TOGARAM2: variants seen among roughly 807,000 people sequenced by gnomAD.
The protein encoded by TOGARAM2 is TOG array regulator of axonemal microtubules protein 2.
Under a neutral mutation model 93.3 loss-of-function variants are expected in TOGARAM2, and 85 were observed. The ratio of observed to expected loss-of-function variants is 0.91; its 90% CI spans 0.76 to 1.09. The LOEUF (loss-of-function observed/expected upper bound fraction) is 1.09, where lower values mean the gene tolerates loss of function less well. Ranked by LOEUF, TOGARAM2 falls within the 50% of genes least tolerant of loss-of-function variation. TOGARAM2 has a pLI of 0.00. For missense variants in TOGARAM2, 1,277 were observed against 1,334.5 expected (o/e 0.96, Z 0.67); for synonymous variants, 593 against 552.8 (o/e 1.07, Z -1.02).
chr2:28,960,311 A>C (rs1204211140), intron 1 of TOGARAM2, among the ~76,000 whole-genome samples: 1 of 152,156 alleles, frequency 6.6e-6, no homozygotes, highest in East Asian at 1.9e-4. Context: ...TACCATTCTT[A>C]TATCTCTGAA....
At chr2:29,025,297 T>A (rs755515519) in intron 13 of TOGARAM2, among the ~76,000 whole-genome samples, 46 of 152,220 alleles carry the variant, frequency 3.0e-4, no homozygotes, top group Non-Finnish European at 5.4e-4. Flanking sequence ...GTAATTGAAT[T>A]GACTCACGAA....
intron 6 of TOGARAM2, among the ~76,000 whole-genome samples, chr2:29,010,459 T>A (rs1170789224): frequency 1.3e-5 from 2 of 152,050 alleles, no homozygotes; most frequent in Admixed American, 1.3e-4. Flanking sequence ...GCTCCGCTCC[T>A]CCTGTGGACT....
upstream of TOGARAM2, among the ~76,000 whole-genome samples, chr2:28,978,381 CTATT>C (rs1192500517): frequency 1.3e-5 from 2 of 152,116 alleles, no homozygotes; most frequent in Non-Finnish European, 2.9e-5. Context: ...GTTCAGGAGA[CTATT>C]TGGATATAGG....
chr2:29,020,992 C>T (rs1165189479), intron 10 of TOGARAM2, among the ~76,000 whole-genome samples: 1 of 152,186 alleles, frequency 6.6e-6, no homozygotes, highest in Non-Finnish European at 1.5e-5. Flanking sequence ...CGGCTCACTG[C>T]AACCTACGCT....
chr2:28,994,667 G>A, intron 1 of TOGARAM2, 58 bp from the exon 2 acceptor site: 1 of 593,534 alleles, frequency 1.7e-6, no homozygotes, highest in Admixed American at 3.0e-5. Context: ...TTTTTGTGAA[G>A]TAGTTTAAAA....
chr2:28,993,546 C>A (rs1298145643), intron 1 of TOGARAM2, among the ~76,000 whole-genome samples: 1 of 152,232 alleles, frequency 6.6e-6, no homozygotes, highest in Non-Finnish European at 1.5e-5. Flanking sequence ...GACTGCTTTT[C>A]ACCACCGTGT....
intron 6 of TOGARAM2, among the ~76,000 whole-genome samples, chr2:29,010,962 G>A (rs72788126): frequency 0.075 from 11,443 of 152,158 alleles, 506 homozygotes; most frequent in African/African-American, 0.12. Flanking sequence ...AAGGGGATCA[G>A]CTCCGCCCCC....
intron 1 of TOGARAM2, among the ~76,000 whole-genome samples, chr2:28,963,674 A>G (rs1671827111): frequency 6.6e-6 from 1 of 152,176 alleles, no homozygotes; most frequent in Non-Finnish European, 1.5e-5. Flanking sequence ...CAAGGCATGC[A>G]GTGCACCTAG....
chr2:29,028,192 C>T (rs554236421), intron 14 of TOGARAM2, among the ~76,000 whole-genome samples: 7 of 148,750 alleles, frequency 4.7e-5, no homozygotes, highest in African/African-American at 1.2e-4. Context: ...ACTCCATCCT[C>T]GCCCCAACTG....
chr2:29,013,496 G>A (rs957604668), intron 7 of TOGARAM2, among the ~76,000 whole-genome samples: 2 of 152,198 alleles, frequency 1.3e-5, no homozygotes, highest in Admixed American at 1.3e-4. Flanking sequence ...AACCAGGGAC[G>A]CCAACAGTGC....
intron 18 of TOGARAM2, among the ~76,000 whole-genome samples, chr2:29,043,606 T>C (rs1216187220): frequency 1.3e-5 from 2 of 152,204 alleles, no homozygotes; most frequent in Non-Finnish European, 2.9e-5. Flanking sequence ...CTCACCTACC[T>C]GACAGGTGCA....
intron 1 of TOGARAM2, among the ~76,000 whole-genome samples, chr2:28,989,123 C>T (rs1390341616): frequency 6.6e-6 from 1 of 152,180 alleles, no homozygotes; most frequent in Non-Finnish European, 1.5e-5. Context: ...GATCTCAGCT[C>T]ACTGCAACCT....
intron 12 of TOGARAM2, among the ~76,000 whole-genome samples, 176 bp from the exon 13 acceptor site, chr2:29,023,963 A>C (rs1021299892): frequency 6.6e-6 from 1 of 152,238 alleles, no homozygotes; most frequent in Non-Finnish European, 1.5e-5. Context: ...AGATGATAAC[A>C]AAATGGGACA....
intron 8 of TOGARAM2, among the ~76,000 whole-genome samples, chr2:29,016,745 C>A (rs1434269857): frequency 1.3e-5 from 2 of 152,124 alleles, no homozygotes; most frequent in Admixed American, 1.3e-4. Context: ...CAGTGTCCAC[C>A]CCCTGACTGT....
intron 6 of TOGARAM2, among the ~76,000 whole-genome samples, chr2:29,005,633 T>TGA (rs1323641958): frequency 4.4e-5 from 2 of 45,692 alleles, no homozygotes; most frequent in African/African-American, 9.1e-5. Context: ...GTGGAGTGTG[T>TGA]GTGCATGTGT....
chr2:28,979,748 C>T (rs1257954972), upstream of TOGARAM2, among the ~76,000 whole-genome samples: 5 of 152,208 alleles, frequency 3.3e-5, no homozygotes, highest in African/African-American at 1.2e-4. Context: ...AGGGGCTTGG[C>T]AGCCATGGTG....
intron 6 of TOGARAM2, among the ~76,000 whole-genome samples, chr2:29,005,252 TGA>T (rs761638812): frequency 6.0e-5 from 9 of 149,124 alleles, no homozygotes; most frequent in East Asian, 2.0e-4. Flanking sequence ...ACCATGTGTG[TGA>T]GTGCATGTGT....
upstream of TOGARAM2, among the ~76,000 whole-genome samples, chr2:28,977,639 A>G (rs555763328): frequency 1.1e-4 from 17 of 152,194 alleles, no homozygotes; most frequent in Middle Eastern, 0.01. Context: ...CTCAACACCC[A>G]TGTGGAACCT....
At chr2:29,026,727 C>T in intron 13 of TOGARAM2, 126 bp from the exon 14 acceptor site, 2 of 1,038,070 alleles carry the variant, frequency 1.9e-6, no homozygotes, top group Non-Finnish European at 2.7e-6. Flanking sequence ...CACATGGGGA[C>T]AGGTATTTTT....
Sources: allele counts gnomAD v4.1 joint callset (sites outside exome capture counted in the v4.1 genomes callset), GRCh38; gene constraint gnomAD v4.1.1; transcripts MANE v1.5; gene names NCBI Gene and HGNC (gene_info 2026-07-23, HGNC 2026-07-21).